The following ADAM22 variants were observed in gnomAD, a reference collection of about 807,000 sequenced individuals.
ADAM22 encodes the protein ADAM metallopeptidase domain 22.
In ADAM22, 65 loss-of-function variants were observed where a neutral mutation model predicts 144.6. The observed-to-expected ratio is 0.45, with a 90% CI of 0.37 to 0.55. ADAM22 has a LOEUF of 0.55. Among genes scored for constraint, ADAM22 ranks in the 20% least tolerant of loss-of-function variants. The probability of loss-of-function intolerance (pLI) is 0.00; values close to 1 mark genes in which losing one functional copy is unlikely to be tolerated. For synonymous variants in ADAM22, 391 were observed against 412.6 expected (o/e 0.95, Z 0.63); for missense variants, 974 against 1,184.9 (o/e 0.82, Z 2.61).
intron 3 of ADAM22, among the ~76,000 whole-genome samples, chr7:88,011,506 C>T (rs562036741): frequency 1.3e-5 from 2 of 150,802 alleles, no homozygotes; most frequent in East Asian, 2.0e-4. Context: ...CACCACTGCA[C>T]TCCAGCCTGG....
chr7:87,943,404 A>C (rs1289112080), intron 2 of ADAM22, among the ~76,000 whole-genome samples: 2 of 152,002 alleles, frequency 1.3e-5, no homozygotes, highest in Non-Finnish European at 2.9e-5. Flanking sequence ...CTTATTTGAC[A>C]TGTGGTTTCC....
intron 14 of ADAM22, among the ~76,000 whole-genome samples, chr7:88,140,987 T>C (rs1022849075): frequency 2.6e-5 from 4 of 152,078 alleles, no homozygotes; most frequent in Admixed American, 6.6e-5. Context: ...GGGTGTGTCA[T>C]TGCATGCAGA....
At chr7:88,053,561 AAAG>A (rs1332010147) in intron 3 of ADAM22, among the ~76,000 whole-genome samples, 1 of 151,016 alleles carries the variant, frequency 6.6e-6, no homozygotes, top group African/African-American at 2.4e-5. Context: ...AGAAAGAAAG[AAAG>A]AAGGAAGGAG....
At chr7:88,107,221 T>G (rs990594520) in intron 4 of ADAM22, among the ~76,000 whole-genome samples, 2 of 147,838 alleles carry the variant, frequency 1.4e-5, no homozygotes, top group Non-Finnish European at 3.0e-5. Context: ...TTTTTTTTTT[T>G]TTGAGACAGG....
chr7:88,074,940 A>T (rs1335979706), intron 3 of ADAM22, among the ~76,000 whole-genome samples: 1 of 152,176 alleles, frequency 6.6e-6, no homozygotes, highest in Non-Finnish European at 1.5e-5. Flanking sequence ...TGCATTTTTT[A>T]AAATTTATTA....
chr7:88,151,341 G>A (rs1181684792), intron 20 of ADAM22, 21 bp downstream of exon 20: 2 of 1,613,410 alleles, frequency 1.2e-6, no homozygotes, highest in Admixed American at 3.3e-5. Flanking sequence ...AGTGTGGCTT[G>A]ATCATTGTTA....
In ADAM22 at chr7:88,196,616, C is replaced by A; in HGVS notation, c.*125C>A. On this transcript the variant is annotated 3_prime_UTR_variant, in exon 32 of 32. Transcript: ENST00000413139. ...AATACGAAGACCCTCTGAGATGCTACAGAGGAGAGGAAGCGGAGTTTCACA... is the reference window on the plus strand; with the variant it reads ...AATACGAAGACCCTCTGAGATGCTAAAGAGGAGAGGAAGCGGAGTTTCACA... The A allele has an allele frequency of 1.9e-6, 2 of 1,066,810 alleles. No homozygotes were observed. The highest frequency in any genetic ancestry group is 2.8e-6 in the Non-Finnish European group (2 of 702,100). The allele number at this position is 1,066,810 out of a possible 1,614,324, so 66.1% of individuals were successfully genotyped here.
chr7:88,086,026 A>C (rs558058143), intron 4 of ADAM22, among the ~76,000 whole-genome samples: 28 of 152,234 alleles, frequency 1.8e-4, no homozygotes, highest in African/African-American at 6.7e-4. Context: ...AATACAAAAA[A>C]TTAGCTGGGC....
chr7:87,998,981 AAAATTAAAC>A (rs1337017316), intron 3 of ADAM22, among the ~76,000 whole-genome samples: 1 of 152,196 alleles, frequency 6.6e-6, no homozygotes, highest in East Asian at 1.9e-4. Context: ...TTACCTTTCT[AAAATTAAAC>A]AATTTCTCAA....
At chr7:87,964,115 A>G (rs931559900) in intron 2 of ADAM22, among the ~76,000 whole-genome samples, 4 of 152,304 alleles carry the variant, frequency 2.6e-5, no homozygotes, top group South Asian at 2.1e-4. Context: ...TCTATATCCT[A>G]TCTCCCTCAT....
At chr7:88,062,106 G>A (rs1049263630) in intron 3 of ADAM22, among the ~76,000 whole-genome samples, 2 of 152,056 alleles carry the variant, frequency 1.3e-5, no homozygotes, top group Admixed American at 6.6e-5. Flanking sequence ...GTCTCCTGAA[G>A]TGCTAGAATT....
At chr7:88,066,509 T>A (rs1438019087) in intron 3 of ADAM22, among the ~76,000 whole-genome samples, 2 of 152,114 alleles carry the variant, frequency 1.3e-5, no homozygotes, top group Non-Finnish European at 2.9e-5. Context: ...TAAGAGATGT[T>A]GAGTATATAG....
intron 4 of ADAM22, among the ~76,000 whole-genome samples, chr7:88,082,462 G>A (rs1266984662): frequency 6.6e-6 from 1 of 152,030 alleles, no homozygotes; most frequent in Admixed American, 6.6e-5. Flanking sequence ...AAATGCAATG[G>A]CAACAAAAGC....
intron 3 of ADAM22, among the ~76,000 whole-genome samples, chr7:88,010,599 T>G (rs891700035): frequency 7.9e-5 from 12 of 152,178 alleles, no homozygotes; most frequent in Non-Finnish European, 1.2e-4. Context: ...GGAACTTCTT[T>G]TCCAGCTCCT....
rs987285443 is a variant in ADAM22, at chr7:88,163,168, C to T, written c.2064C>T (p.Cys688=). ...TGAGCAGTAAAGAAGGCACTATTTG[C>T]TCAGGAAATGGAGTAAGTATCCAGT... ...TCLSSKEGTI[C]SGNGVCSNEL... is the part of the protein sequence containing the mutation. Residue 688 remains cysteine, a synonymous_variant, in exon 23 of 32, where the codon TGC becomes TGT. Transcript: ENST00000413139. The T allele has an allele frequency of 5.0e-6, 8 of 1,604,870 alleles. No homozygotes were observed. The African/African-American group carries it at 8.1e-5, about 16-fold the overall frequency.
chr7:88,184,467 G>T (rs894763077), intron 29 of ADAM22: 1 of 280,876 alleles, frequency 3.6e-6, no homozygotes, highest in South Asian at 2.7e-5. Context: ...CCTTTCCTTG[G>T]CTGAGAACAG....
chr7:88,007,006 T>C (rs549725705), intron 3 of ADAM22, among the ~76,000 whole-genome samples: 1 of 152,194 alleles, frequency 6.6e-6, no homozygotes, highest in Non-Finnish European at 1.5e-5. Flanking sequence ...GAAAACCCCA[T>C]TGTCTCAGCC....
chr7:88,101,222 G>A (rs564017639), intron 4 of ADAM22, among the ~76,000 whole-genome samples: 47 of 150,614 alleles, frequency 3.1e-4, no homozygotes, highest in African/African-American at 1.0e-3. Flanking sequence ...CTGCCAGGTT[G>A]GCAACTACTG....
chr7:88,077,290 A>G (rs1317632271), intron 4 of ADAM22, among the ~76,000 whole-genome samples: 1 of 152,208 alleles, frequency 6.6e-6, no homozygotes, highest in Non-Finnish European at 1.5e-5. Flanking sequence ...TATATATGTA[A>G]ACTAAAAGAA....
Sources: allele counts gnomAD v4.1 joint callset (sites outside exome capture counted in the v4.1 genomes callset), GRCh38; gene constraint gnomAD v4.1.1; transcripts MANE v1.5; gene names NCBI Gene and HGNC (gene_info 2026-07-23, HGNC 2026-07-21).